SLC44A5: variants seen among roughly 807,000 people sequenced by gnomAD.
SLC44A5 encodes solute carrier family 44 member 5.
SLC44A5 carries 57 observed loss-of-function variants against 101.8 expected under a neutral mutation model. That is an observed-to-expected ratio of 0.56 (90% CI 0.45 to 0.70). SLC44A5 has a LOEUF of 0.70. Among genes scored for constraint, SLC44A5 ranks in the 30% least tolerant of loss-of-function variants. The pLI is 0.00. For missense variants in SLC44A5, 737 were observed against 853.1 expected (o/e 0.86, Z 1.70); for synonymous variants, 281 against 290.9 (o/e 0.97, Z 0.35).
At chr1:75,607,363 C>T (rs1003182942) in intron 1 of SLC44A5, among the ~76,000 whole-genome samples, 11 of 151,930 alleles carry the variant, frequency 7.2e-5, no homozygotes, top group Admixed American at 2.6e-4. Context: ...TCATGTTCAC[C>T]ACTGCTTCTA....
At chr1:75,350,921 A>G (rs1435528588) in intron 3 of SLC44A5, among the ~76,000 whole-genome samples, 1 of 151,580 alleles carries the variant, frequency 6.6e-6, no homozygotes, top group African/African-American at 2.4e-5. Context: ...AGACAGAAAG[A>G]AAAAGGTTGA....
chr1:75,577,092 T>C (rs528684780), intron 1 of SLC44A5, among the ~76,000 whole-genome samples: 27 of 152,310 alleles, frequency 1.8e-4, no homozygotes, highest in Middle Eastern at 3.4e-3. Flanking sequence ...CACCATATCC[T>C]GTTGGCTCTA....
chr1:75,303,861 G>A lies in SLC44A5; in HGVS notation c.102-3176C>T, dbSNP rs533791007. On this transcript the variant is annotated intron_variant, in intron 4 of 23. Transcript: ENST00000370859. ...AGAAGATATACCTAATGTAAATGAC[G>A]AGTTAATGGGTGCAGCACACCAACA... Among the ~76,000 whole-genome samples, 36 of 152,172 alleles carry A rather than the reference G, an allele frequency of 2.4e-4. No homozygotes were observed. The South Asian group carries it at 6.9e-3, about 29-fold the overall frequency.
chr1:75,213,030 C>A (rs2100460155), intron 22 of SLC44A5, among the ~76,000 whole-genome samples: 1 of 152,264 alleles, frequency 6.6e-6, no homozygotes, highest in East Asian at 1.9e-4. Flanking sequence ...CTGCCTGATG[C>A]AGCATACAAA....
intron 5 of SLC44A5, among the ~76,000 whole-genome samples, chr1:75,299,211 C>T (rs1654225490): frequency 6.6e-6 from 1 of 152,150 alleles, no homozygotes; most frequent in Non-Finnish European, 1.5e-5. Context: ...AGTTAAAACA[C>T]TTTAAGAAAT....
At chr1:75,658,564 C>T in the SLC44A5 span, among the ~76,000 whole-genome samples, 1 of 152,126 alleles carries the variant, frequency 6.6e-6, no homozygotes, top group Non-Finnish European at 1.5e-5. Context: ...GCAATTACAA[C>T]ATTTCTTGAG....
intron 3 of SLC44A5, among the ~76,000 whole-genome samples, chr1:75,360,226 A>C (rs115616031): frequency 1.3e-5 from 2 of 151,874 alleles, no homozygotes; most frequent in African/African-American, 2.4e-5. Flanking sequence ...TTGGGTTCAT[A>C]TCAAAAAAAT....
intron 1 of SLC44A5, among the ~76,000 whole-genome samples, chr1:75,589,088 AC>A (rs1337965773): frequency 3.3e-5 from 5 of 152,072 alleles, no homozygotes; most frequent in African/African-American, 9.7e-5. Flanking sequence ...ATTCACGCGC[AC>A]CCTCTCTCTT....
chr1:75,643,612 T>C, the SLC44A5 span, among the ~76,000 whole-genome samples: 6 of 152,182 alleles, frequency 3.9e-5, no homozygotes, highest in African/African-American at 9.6e-5. Context: ...TGAGAGGTAA[T>C]TGAATCATGG....
chr1:75,511,129 C>A (rs1447087074), intron 2 of SLC44A5, among the ~76,000 whole-genome samples: 2 of 151,594 alleles, frequency 1.3e-5, no homozygotes, highest in Non-Finnish European at 2.9e-5. Flanking sequence ...GGCGACGGAG[C>A]GAGACTCCGT....
chr1:75,403,205 T>A (rs976186353), intron 2 of SLC44A5, among the ~76,000 whole-genome samples: 1 of 152,066 alleles, frequency 6.6e-6, no homozygotes, highest in Non-Finnish European at 1.5e-5. Flanking sequence ...GTCAGGGGCT[T>A]ATAGATAAAA....
At chr1:75,453,566 T>A (rs561952058) in intron 2 of SLC44A5, among the ~76,000 whole-genome samples, 1 of 151,818 alleles carries the variant, frequency 6.6e-6, no homozygotes. Context: ...TGAGACCCAA[T>A]TGAGACCCTT....
At chr1:75,414,310 CAT>C in intron 2 of SLC44A5, among the ~76,000 whole-genome samples, 1 of 124,638 alleles carries the variant, frequency 8.0e-6, no homozygotes, top group African/African-American at 3.2e-5. Context: ...TACATACATA[CAT>C]ACATATCCAC....
chr1:75,707,529 C>T, the SLC44A5 span, among the ~76,000 whole-genome samples: 18 of 152,192 alleles, frequency 1.2e-4, no homozygotes, highest in African/African-American at 3.9e-4. Flanking sequence ...CAGCTGCCTT[C>T]AGCTATTCTC....
chr1:75,279,968 C>T (rs964551434), intron 5 of SLC44A5, among the ~76,000 whole-genome samples: 1 of 150,986 alleles, frequency 6.6e-6, no homozygotes, highest in Non-Finnish European at 1.5e-5. Flanking sequence ...ATCCTCATAG[C>T]TTAGCTTCCA....
At chr1:75,206,589 A>G (rs1570349389) in intron 23 of SLC44A5, 2 of 1,444,544 alleles carry the variant, frequency 1.4e-6, no homozygotes, top group East Asian at 4.6e-5. Flanking sequence ...AAAATGAGTG[A>G]CACTGTTTGG....
chr1:75,679,265 C>A, the SLC44A5 span, among the ~76,000 whole-genome samples: 96 of 152,182 alleles, frequency 6.3e-4, no homozygotes, highest in Non-Finnish European at 1.2e-3. Context: ...CAGAGAACGC[C>A]ACAAAGATAC....
intron 6 of SLC44A5, among the ~76,000 whole-genome samples, chr1:75,265,935 A>G (rs1051747274): frequency 1.5e-4 from 23 of 152,212 alleles, no homozygotes; most frequent in African/African-American, 4.6e-4. Flanking sequence ...CTCAAAGAAA[A>G]GGTCTGTACC....
At position 75,227,776 on chromosome 1, in the gene SLC44A5, T is replaced by C; in HGVS notation, c.935A>G (p.Gln312Arg). The stretch of plus-strand genomic sequence containing the variant: ...TTCAAAGTACATGCTTATGTTAGTC[T>C]GAATCCCGATGTCATAGATAGTTAA... ...SVLTIYDIGI[Q>R]TNISMYFELQ... Residue 312 changes from glutamine to arginine, a missense_variant, in exon 13 of 24, where the codon CAG becomes CGG. By Grantham distance (43) the Gln-to-Arg change is conservative. Transcript: ENST00000370859. The C allele has an allele frequency of 6.3e-7, 1 of 1,592,236 alleles. No homozygotes were observed. The highest frequency in any genetic ancestry group is 1.4e-5 in the African/African-American group (1 of 73,478).
Sources: allele counts gnomAD v4.1 joint callset (sites outside exome capture counted in the v4.1 genomes callset), GRCh38; gene constraint gnomAD v4.1.1; transcripts MANE v1.5; gene names NCBI Gene and HGNC (gene_info 2026-07-23, HGNC 2026-07-21).